Variants in FOXN3 observed in about 807,000 individuals in gnomAD.
The protein encoded by FOXN3 is forkhead box N3.
Under a neutral mutation model 38.4 loss-of-function variants are expected in FOXN3, and 7 were observed. The ratio of observed to expected loss-of-function variants is 0.18; its 90% confidence interval spans 0.10 to 0.34. The LOEUF is 0.34. FOXN3 is among the 10% of genes least tolerant of loss of function. The pLI, the probability that FOXN3 is intolerant of heterozygous loss-of-function variation, is 1.00. For synonymous variants in FOXN3, 230 were observed against 242.2 expected, an observed-to-expected ratio of 0.95 and a Z score of 0.47; for missense variants, 456 against 613.4, an observed-to-expected ratio of 0.74 and a Z score of 2.71.
intron 3 of FOXN3, among the ~76,000 whole-genome samples, chr14:89,294,612 A>T (rs1886980906): frequency 6.6e-6 from 1 of 152,174 alleles, no homozygotes; most frequent in Admixed American, 6.5e-5. Context: ...CGGATAAAAC[A>T]GATTGCATTA....
At position 89,386,951 on chromosome 14, in the gene FOXN3, C is replaced by T. The variant is rs569792736; in HGVS notation, c.543+24983G>A. Among the ~76,000 whole-genome samples, 256 of 152,274 alleles carry T rather than the reference C, an allele frequency of 1.7e-3. 1 individual carries two copies. The highest frequency in any genetic ancestry group is 5.8e-3 in the African/African-American group (242 of 41,562). ...TAATTAGCTCCACATTGAGGGTTTG[C>T]GCTTCAACATATAAATTGGGGGGTG... On this transcript the variant is annotated intron_variant, in intron 2 of 5. Transcript: ENST00000557258.
At chr14:89,490,714 G>A (rs1049432637) in intron 1 of FOXN3, among the ~76,000 whole-genome samples, 3 of 152,238 alleles carry the variant, frequency 2.0e-5, no homozygotes, top group Non-Finnish European at 4.4e-5. Flanking sequence ...GAAAGTGGCT[G>A]AATGGGTCCA....
intron 5 of FOXN3, among the ~76,000 whole-genome samples, chr14:89,178,610 T>C (rs559435355): frequency 3.3e-5 from 5 of 152,182 alleles, no homozygotes; most frequent in Non-Finnish European, 7.3e-5. Flanking sequence ...AGTGGCAACT[T>C]TCAACAGAAA....
chr14:89,284,205 G>A (rs770007703), intron 3 of FOXN3, among the ~76,000 whole-genome samples: 9 of 151,606 alleles, frequency 5.9e-5, no homozygotes, highest in Admixed American at 1.3e-4. Context: ...AAATTGAGAC[G>A]AAGTCTTGCT....
At chr14:89,572,768 C>T (rs930047415) in intron 1 of FOXN3, among the ~76,000 whole-genome samples, 1 of 152,248 alleles carries the variant, frequency 6.6e-6, no homozygotes, top group African/African-American at 2.4e-5. Flanking sequence ...TAGAGTCCTC[C>T]TGCCAGCTGG....
intron 1 of FOXN3, among the ~76,000 whole-genome samples, chr14:89,487,846 T>TG (rs35965168): frequency 1.3e-5 from 2 of 151,220 alleles, no homozygotes; most frequent in East Asian, 1.9e-4. Flanking sequence ...GGGTGAGGAG[T>TG]GGGGGGTGCC....
At chr14:89,402,564 C>T (rs1426560802) in intron 2 of FOXN3, among the ~76,000 whole-genome samples, 1 of 152,206 alleles carries the variant, frequency 6.6e-6, no homozygotes, top group Non-Finnish European at 1.5e-5. Context: ...AGCTAGAAGT[C>T]ATGTGACCAA....
At chr14:89,216,634 A>G (rs547264975) in intron 4 of FOXN3, among the ~76,000 whole-genome samples, 1 of 152,334 alleles carries the variant, frequency 6.6e-6, no homozygotes, top group South Asian at 2.1e-4. Context: ...GCTCTCCAGC[A>G]TTCAAAGCCC....
chr14:89,266,984 C>T (rs187709830), intron 4 of FOXN3, among the ~76,000 whole-genome samples: 10 of 152,220 alleles, frequency 6.6e-5, no homozygotes, highest in South Asian at 2.1e-4. Context: ...GAGCATGACA[C>T]GTGTGTATGT....
At chr14:89,390,445 T>C (rs568039613) in intron 2 of FOXN3, among the ~76,000 whole-genome samples, 1 of 148,606 alleles carries the variant, frequency 6.7e-6, no homozygotes, top group East Asian at 2.0e-4. Flanking sequence ...TAATGTATTT[T>C]TCAATCAGGA....
At chr14:89,616,201 G>A (rs1049341855) in intron 1 of FOXN3, among the ~76,000 whole-genome samples, 1 of 151,050 alleles carries the variant, frequency 6.6e-6, no homozygotes, top group African/African-American at 2.4e-5. Flanking sequence ...AATGAACGGG[G>A]TTGGGGGTGG....
chr14:89,557,243 C>T (rs1258255422), intron 1 of FOXN3, among the ~76,000 whole-genome samples: 3 of 152,292 alleles, frequency 2.0e-5, no homozygotes, highest in Admixed American at 6.5e-5. Flanking sequence ...TTAATTGGTT[C>T]ATTTCCTCTC....
intron 1 of FOXN3, among the ~76,000 whole-genome samples, chr14:89,467,800 C>CTTTTTT (rs1383456566): frequency 1.2e-4 from 7 of 57,886 alleles, no homozygotes; most frequent in South Asian, 6.5e-4. Context: ...TCTTTTCTTT[C>CTTTTTT]TTTGTTTTTT....
At chr14:89,362,870 C>T (rs1027268834) in intron 2 of FOXN3, among the ~76,000 whole-genome samples, 1 of 151,526 alleles carries the variant, frequency 6.6e-6, no homozygotes, top group Non-Finnish European at 1.5e-5. Flanking sequence ...TTCAAACTTC[C>T]GTGGGCCTAA....
At chr14:89,206,229 G>A (rs1026874208) in intron 4 of FOXN3, among the ~76,000 whole-genome samples, 3 of 152,306 alleles carry the variant, frequency 2.0e-5, no homozygotes, top group East Asian at 1.9e-4. Context: ...CAAACACTAA[G>A]TAAGTGTCAT....
intron 1 of FOXN3, among the ~76,000 whole-genome samples, chr14:89,481,186 G>C (rs1474180964): frequency 1.3e-5 from 2 of 150,912 alleles, no homozygotes; most frequent in African/African-American, 2.4e-5. Context: ...TGGATTCTCT[G>C]CACAGCACAT....
At chr14:89,209,530 C>T (rs1888468887) in intron 4 of FOXN3, among the ~76,000 whole-genome samples, 2 of 152,222 alleles carry the variant, frequency 1.3e-5, no homozygotes, top group African/African-American at 4.8e-5. Flanking sequence ...GTGACGATTC[C>T]TGCTTGAAGG....
At chr14:89,259,255 G>T (rs1885722407) in intron 4 of FOXN3, among the ~76,000 whole-genome samples, 1 of 152,208 alleles carries the variant, frequency 6.6e-6, no homozygotes, top group Non-Finnish European at 1.5e-5. Context: ...TATGACTGAT[G>T]ATCTCTTTCT....
intron 4 of FOXN3, among the ~76,000 whole-genome samples, chr14:89,192,285 CTATA>C: frequency 6.9e-6 from 1 of 144,360 alleles, no homozygotes; most frequent in Non-Finnish European, 1.5e-5. Context: ...CTTATATATA[CTATA>C]TAATAAACTA....
Sources: gnomAD v4.1 joint callset for allele counts (sites outside exome capture counted in the v4.1 genomes callset) on GRCh38, gnomAD v4.1.1 for gene constraint, MANE v1.5 for transcripts, NCBI Gene and HGNC (gene_info 2026-07-23, HGNC 2026-07-21) for gene names.